The following CLDN14 variants were observed in gnomAD, a reference collection of about 807,000 sequenced individuals.
CLDN14 encodes claudin-14.
CLDN14 carries 2 observed loss-of-function variants against 2.1 expected under a neutral mutation model. The ratio of observed to expected loss-of-function variants is 0.96; its 90% confidence interval spans 0.39 to 3.01. The LOEUF is 3.01. CLDN14 is among the 30% of genes most tolerant of loss of function. The pLI, the probability that CLDN14 is intolerant of heterozygous loss-of-function variation, is 0.09. For missense variants in CLDN14, 298 were observed against 328.0 expected (o/e 0.91, Z 0.71); for synonymous variants, 136 against 154.4 (o/e 0.88, Z 0.88).
chr21:36,512,024 C>T (rs2087190685), intron 1 of CLDN14, among the ~76,000 whole-genome samples: 1 of 152,116 alleles, frequency 6.6e-6, no homozygotes, highest in Non-Finnish European at 1.5e-5. Flanking sequence ...CATTAGTAGC[C>T]CTTGAAATGG....
intron 1 of CLDN14, among the ~76,000 whole-genome samples, chr21:36,540,910 G>T (rs747207576): frequency 2.0e-5 from 3 of 152,194 alleles, no homozygotes; most frequent in Non-Finnish European, 4.4e-5. Context: ...GTGGGCAAGA[G>T]TAGAAGGTAT....
intron 1 of CLDN14, chr21:36,526,155 T>C (rs935531729): frequency 6.6e-6 from 1 of 152,166 alleles, no homozygotes; most frequent in African/African-American, 2.4e-5. Flanking sequence ...AAACTTTTCC[T>C]GGAAAGGGTC....
intron 1 of CLDN14, among the ~76,000 whole-genome samples, chr21:36,572,423 G>A (rs1015945619): frequency 3.3e-5 from 5 of 151,908 alleles, no homozygotes; most frequent in Non-Finnish European, 1.5e-5. Context: ...TGTTTCTCCA[G>A]CCACCAACCT....
chr21:36,535,314 TGGGAG>T (rs2087415475), intron 1 of CLDN14, among the ~76,000 whole-genome samples: 1 of 152,118 alleles, frequency 6.6e-6, no homozygotes, highest in Non-Finnish European at 1.5e-5. Flanking sequence ...CACTTGAACC[TGGGAG>T]GTGGAGGTTG....
At position 36,479,777 on chromosome 21, in the gene CLDN14, G is replaced by A. The variant is rs1050089827; in HGVS notation, c.-364C>T. 6.6e-6 allele frequency: 1 copy of A among 152,220 alleles called. No homozygotes were observed. The highest frequency in any genetic ancestry group is 1.5e-5 in the Non-Finnish European group (1 of 68,072). 9.4% of individuals were successfully genotyped at this position (152,220 alleles called of 1,614,324 possible). A position where few individuals can be genotyped will look rare whatever the true frequency, so the allele number is the denominator to read the frequency against. Reference sequence around the variant, plus strand: ...TGGCTTGGCCAGAGCAGACATTCAAGACCAACCAGAAATGTCATTTCTGCA... The same window carrying A: ...TGGCTTGGCCAGAGCAGACATTCAAAACCAACCAGAAATGTCATTTCTGCA... On this transcript the variant is annotated 5_prime_UTR_variant, in exon 1 of 2. Transcript: ENST00000399135.
chr21:36,572,198 G>C (rs373933417), intron 1 of CLDN14, among the ~76,000 whole-genome samples: 2 of 152,194 alleles, frequency 1.3e-5, no homozygotes, highest in African/African-American at 4.8e-5. Context: ...GGTTTGGTTT[G>C]TTTTGTTTAG....
intron 2 of CLDN14, among the ~76,000 whole-genome samples, chr21:36,488,258 C>CTTCT (rs1433720236): frequency 2.7e-5 from 4 of 149,160 alleles, no homozygotes; most frequent in Non-Finnish European, 4.4e-5. Context: ...TCCTTCCTTC[C>CTTCT]TTCCTTCCTT....
Position 36,460,898 on chromosome 21 carries a change from T to G in CLDN14, c.*78A>C, listed in dbSNP as rs1601587647. 1 of 1,534,082 alleles carries G rather than the reference T, an allele frequency of 6.5e-7. No homozygotes were observed. Among genetic ancestry groups the G allele is most frequent in the Non-Finnish European group, 8.9e-7 (1 of 1,129,298 alleles). On this transcript the variant is annotated 3_prime_UTR_variant, in exon 2 of 2. Coordinates refer to ENST00000399135, the MANE Select transcript of CLDN14 (RefSeq NM_001146079.2). This position sits in a 1 kb window ranked among gnomAD's most constrained non-coding sequence, Gnocchi z 4.0. The stretch of plus-strand genomic sequence containing the variant: ...AATTGCCCAGAAGTAAACTTTGTGC[T>G]GGAACCCCTGCCTCCATTGACAGTC...
chr21:36,467,175 C>T (rs2086657079), intron 1 of CLDN14, among the ~76,000 whole-genome samples: 1 of 152,182 alleles, frequency 6.6e-6, no homozygotes, highest in Non-Finnish European at 1.5e-5. Context: ...TTTATGTTGT[C>T]TCCCTCTGTT....
At chr21:36,530,371 CA>C (rs1193475741) in intron 1 of CLDN14, among the ~76,000 whole-genome samples, 1 of 152,254 alleles carries the variant, frequency 6.6e-6, no homozygotes, top group Non-Finnish European at 1.5e-5. Context: ...TGCAGGTCTG[CA>C]GTGACTCTGC....
chr21:36,489,519 C>T (rs934007917), intron 2 of CLDN14, among the ~76,000 whole-genome samples: 1 of 152,132 alleles, frequency 6.6e-6, no homozygotes, highest in Non-Finnish European at 1.5e-5. Context: ...GAAGGCCTCA[C>T]CAGCTTGGGC....
intron 1 of CLDN14, among the ~76,000 whole-genome samples, chr21:36,476,322 C>A (rs903124373): frequency 6.6e-6 from 1 of 152,204 alleles, no homozygotes; most frequent in African/African-American, 2.4e-5. Context: ...CTTCCCAGAG[C>A]CCCACGGAAG....
rs2087057694 is a variant in CLDN14 at position 36,498,272 on chromosome 21, A to G, written c.-82+12091T>C. The stretch of plus-strand genomic sequence containing the variant: ...TGCCTTGGCCTCCCAAAGTGCTGGG[A>G]TTATAGACATGAGCCACTGCGCCCA... On this transcript the variant is annotated intron_variant, in intron 2 of 2. Coordinates refer to the CLDN14 transcript ENST00000342108. The surrounding 1 kb of genome is among the most constrained non-coding windows in gnomAD (Gnocchi z 4.9). Among the ~76,000 whole-genome samples the G allele has an allele frequency of 2.0e-5, 3 of 152,174 alleles. No individual in the cohort carries two copies. Among genetic ancestry groups the G allele is most frequent in the Admixed American group, 2.0e-4 (3 of 15,274 alleles).
chr21:36,554,828 C>T (rs2087587636), intron 1 of CLDN14, among the ~76,000 whole-genome samples: 1 of 152,202 alleles, frequency 6.6e-6, no homozygotes, highest in African/African-American at 2.4e-5. Context: ...ACCTCCCGCC[C>T]CTGCCTCTGC....
rs531254213 is a variant in CLDN14, at chr21:36,533,713, C to T, written c.-219-23213G>A. Among the ~76,000 whole-genome samples the T allele has an allele frequency of 5.9e-5, 9 of 152,218 alleles. No homozygotes were observed. The East Asian group carries it at 1.7e-3, about 29-fold the overall frequency. On this transcript the variant is annotated intron_variant, in intron 1 of 2. Coordinates refer to the CLDN14 transcript ENST00000342108. ...TAGGAACGTGGGTGGAGCTGGAGGC[C>T]ATTATCTTTAGCAAACTAATGCAGG...
chr21:36,568,640 G>A (rs988156213), intron 1 of CLDN14, among the ~76,000 whole-genome samples: 1 of 152,178 alleles, frequency 6.6e-6, no homozygotes, highest in East Asian at 1.9e-4. Flanking sequence ...TGGGAGGATC[G>A]CTTGAGCCCA....
intron 2 of CLDN14, among the ~76,000 whole-genome samples, chr21:36,493,131 G>GC (rs1216513568): frequency 6.6e-6 from 1 of 152,034 alleles, no homozygotes; most frequent in African/African-American, 2.4e-5. Context: ...TTTTCTGCCC[G>GC]CCCCCGGGGA....
intron 1 of CLDN14, among the ~76,000 whole-genome samples, chr21:36,531,386 G>C (rs1206054653): frequency 6.6e-6 from 1 of 151,264 alleles, no homozygotes; most frequent in Non-Finnish European, 1.5e-5. Context: ...CTGGGTTCCA[G>C]CCTCCCAGGT....
chr21:36,461,796 C>T lies in CLDN14; in HGVS notation c.-81-20G>A, dbSNP rs888499593. The T allele has an allele frequency of 4.1e-5, 60 of 1,470,886 alleles. No individual in the cohort carries two copies. The highest frequency in any genetic ancestry group is 2.4e-4 in the Middle Eastern group (1 of 4,240). The allele number at this position is 1,470,886 out of a possible 1,614,324, so 91.1% of individuals were successfully genotyped here. On this transcript the variant is annotated intron_variant, in intron 1 of 1. Transcript: ENST00000399135. ...GGAGCCCTAATGAAGCCAAGGGAGG[C>T]GGGAGCAGGGAGAGAAAGGAAATGG... is the stretch of plus-strand genomic sequence containing the variant.
Sources: allele counts gnomAD v4.1 joint callset (sites outside exome capture counted in the v4.1 genomes callset), GRCh38; gene constraint gnomAD v4.1.1; non-coding constraint Gnocchi (gnomAD v3.1); transcripts MANE v1.5; gene names NCBI Gene and HGNC (gene_info 2026-07-23, HGNC 2026-07-21).